The following DOCK5 variants were observed in gnomAD, a reference collection of about 807,000 sequenced individuals.
DOCK5 encodes dedicator of cytokinesis protein 5.
Under a neutral mutation model 251.8 loss-of-function variants are expected in DOCK5, and 142 were observed. The observed-to-expected ratio is 0.56, with a 90% confidence interval of 0.49 to 0.65. DOCK5 has a LOEUF of 0.65. Among genes scored for constraint, DOCK5 ranks in the 30% least tolerant of loss-of-function variants. DOCK5 has a pLI of 0.00. For missense variants in DOCK5, 2,111 were observed against 2,312.3 expected (o/e 0.91, Z 1.79); for synonymous variants, 842 against 835.5 (o/e 1.01, Z -0.13).
At position 25,408,040 on chromosome 8, in the gene DOCK5, T is replaced by A. The variant is rs756959389; in HGVS notation, c.5151T>A (p.Asp1717Glu). 1.4e-5 allele frequency: 22 copies of A among 1,611,856 alleles called. No homozygotes were observed. Among genetic ancestry groups the A allele is most frequent in the Non-Finnish European group, 1.4e-5 (16 of 1,179,098 alleles). ...RRASSGARVE[D>E]LSLREENSEN... ...CCTCGTCAGGTGCCAGAGTTGAAGA[T>A]CTGTCCCTTAGAGAGGAGAACAGCG... Residue 1717 changes from aspartate (D) to glutamate (E), a missense_variant, in exon 49 of 52, where the codon GAT becomes GAA. Asp to Glu is a conservative substitution (Grantham distance 45). Coordinates refer to ENST00000276440, the MANE Select transcript of DOCK5 (RefSeq NM_024940.8).
At position 25,302,459 on chromosome 8, in the gene DOCK5, A is replaced by G; in HGVS notation, c.976+5A>G. On this transcript the variant is annotated splice_donor_5th_base_variant and intron_variant, in intron 10 of 51. Transcript: ENST00000276440. ...GAAGACCTTTTGGAGTGGCAGGTACAAGAGAGACCCAGAGACAAATGTGAA... is the reference window on the plus strand; with the variant it reads ...GAAGACCTTTTGGAGTGGCAGGTACGAGAGAGACCCAGAGACAAATGTGAA... The G allele has an allele frequency of 1.3e-6, 2 of 1,548,118 alleles. No individual in the cohort carries two copies. Among genetic ancestry groups the G allele is most frequent in the Non-Finnish European group, 1.7e-6 (2 of 1,147,440 alleles).
intron 1 of DOCK5, among the ~76,000 whole-genome samples, chr8:25,238,008 C>T (rs1802844894): frequency 6.6e-6 from 1 of 152,178 alleles, no homozygotes; most frequent in Non-Finnish European, 1.5e-5. Flanking sequence ...TTCTCTATAA[C>T]AGTTATTCAT....
chr8:25,302,843 T>C (rs1159932580), intron 10 of DOCK5, among the ~76,000 whole-genome samples: 3 of 152,184 alleles, frequency 2.0e-5, no homozygotes, highest in African/African-American at 4.8e-5. Context: ...ATCCCACCTA[T>C]ATGAGGCACC....
chr8:25,302,897 CAG>C (rs1185401482), intron 10 of DOCK5, among the ~76,000 whole-genome samples: 1 of 152,076 alleles, frequency 6.6e-6, no homozygotes, highest in African/African-American at 2.4e-5. Context: ...TGGTGAGTGT[CAG>C]GGGCTGGAGA....
rs530733277 is a variant in DOCK5 at position 25,391,970 on chromosome 8, A to G, written c.4430A>G (p.Asn1477Ser). 48 of 1,613,724 alleles carry G rather than the reference A, an allele frequency of 3.0e-5. 1 individual carries two copies. In the East Asian group the frequency reaches 8.7e-4, roughly 29 times the overall value. ...CGGAAAGGAGAAAAGGATCCAGACA[A>G]TGAATTTGCTGTGAGTTCACCCCTT... ...PFRKGEKDPD[N>S]EFATMWIERT... is the part of the protein sequence containing the mutation. The change falls in exon 43 of 52, where the codon AAT becomes AGT. Residue 1477 changes from asparagine to serine, a missense_variant. Physicochemically the swap from Asn to Ser is conservative, Grantham distance 46 (BLOSUM62 1). This residue lies in a region of DOCK5 where 1,717 missense variants were observed against 1,892.4 expected (regional missense o/e 0.91). Transcript: ENST00000276440.
chr8:25,375,072 A>ATGTT, intron 37 of DOCK5: 3 of 834,434 alleles, frequency 3.6e-6, no homozygotes, highest in Non-Finnish European at 4.5e-6. Context: ...ATACATCTAT[A>ATGTT]TGTTATGAAT....
chr8:25,408,955 A>G lies in DOCK5; in HGVS notation c.5404+15A>G, dbSNP rs907229501. On this transcript the variant is annotated intron_variant, in intron 50 of 51. Coordinates refer to ENST00000276440, the MANE Select transcript of DOCK5 (RefSeq NM_024940.8). ...CAGGACCCTAAGTAAGTTTTCCTGT[A>G]TTCCTTATAGTCTTTTTACTAGGGA... The G allele has an allele frequency of 3.1e-6, 5 of 1,613,828 alleles. No individual in the cohort carries two copies. In the African/African-American group the frequency reaches 6.7e-5, roughly 22 times the overall value.
chr8:25,288,340 T>A (rs1220968926), intron 5 of DOCK5, among the ~76,000 whole-genome samples: 1 of 152,306 alleles, frequency 6.6e-6, no homozygotes, highest in Admixed American at 6.5e-5. Flanking sequence ...CTCCTTGAAG[T>A]GAATGGGGAA....
intron 37 of DOCK5, chr8:25,376,715 G>A (rs1409191770): frequency 6.6e-6 from 1 of 152,232 alleles, no homozygotes; most frequent in Non-Finnish European, 1.5e-5. Context: ...TCAATGGCGT[G>A]TGAAAGTTTT....
intron 8 of DOCK5, 55 bp from the exon 9 acceptor site, chr8:25,300,521 C>T: frequency 6.7e-7 from 1 of 1,502,216 alleles, no homozygotes; most frequent in South Asian, 1.2e-5. Flanking sequence ...AGGGTAGCCT[C>T]ATCTCCAACC....
intron 5 of DOCK5, among the ~76,000 whole-genome samples, chr8:25,281,303 C>T (rs969666498): frequency 2.6e-5 from 4 of 151,940 alleles, no homozygotes; most frequent in Admixed American, 6.6e-5. Context: ...TGGCTTGTGC[C>T]TGTAATCCCA....
At chr8:25,326,788 C>G (rs1309710263) in intron 18 of DOCK5, among the ~76,000 whole-genome samples, 1 of 152,128 alleles carries the variant, frequency 6.6e-6, no homozygotes, top group Non-Finnish European at 1.5e-5. Flanking sequence ...TGTTGTTTCC[C>G]TATTATTTGT....
chr8:25,301,360 T>C (rs905443461), intron 9 of DOCK5, among the ~76,000 whole-genome samples: 2 of 152,192 alleles, frequency 1.3e-5, no homozygotes, highest in Admixed American at 1.3e-4. Flanking sequence ...AGGGTGGACG[T>C]TATCATTGAT....
intron 24 of DOCK5, 103 bp downstream of exon 24, chr8:25,341,912 G>A (rs1457912877): frequency 2.4e-5 from 22 of 912,036 alleles, no homozygotes; most frequent in Non-Finnish European, 3.3e-5. Flanking sequence ...TTTCTAAGAA[G>A]TATTAACTGA....
At chr8:25,369,489 A>G in intron 33 of DOCK5, 67 bp from the exon 34 acceptor site, 1 of 1,437,574 alleles carries the variant, frequency 7.0e-7, no homozygotes, top group Non-Finnish European at 9.5e-7. Context: ...GGCCAAGTCT[A>G]GAAAGTTGGC....
At chr8:25,318,741 T>TC (rs1030577410) in intron 14 of DOCK5, among the ~76,000 whole-genome samples, 63 of 152,030 alleles carry the variant, frequency 4.1e-4, no homozygotes, top group African/African-American at 1.4e-3. Context: ...TCTGCTGAAC[T>TC]CCACCTCTTC....
intron 2 of DOCK5, among the ~76,000 whole-genome samples, chr8:25,252,136 T>G (rs1469245202): frequency 1.3e-5 from 2 of 152,214 alleles, no homozygotes; most frequent in Admixed American, 6.5e-5. Flanking sequence ...TCTGTCTGAT[T>G]GTCACATTCT....
intron 2 of DOCK5, among the ~76,000 whole-genome samples, chr8:25,265,349 C>A (rs200356555): frequency 6.6e-6 from 1 of 151,922 alleles, no homozygotes; most frequent in Admixed American, 6.5e-5. Context: ...CAGTCTCTTG[C>A]GCTGAACTCT....
chr8:25,388,730 T>G (rs1221985901), intron 40 of DOCK5: 1 of 198,392 alleles, frequency 5.0e-6, no homozygotes, highest in East Asian at 1.1e-4. Context: ...TCCTTAAGAA[T>G]GTCTTGCCAT....
Sources: allele counts gnomAD v4.1 joint callset (sites outside exome capture counted in the v4.1 genomes callset), GRCh38; gene constraint gnomAD v4.1.1; regional missense constraint gnomAD v4.1.1; transcripts MANE v1.5; gene names NCBI Gene and HGNC (gene_info 2026-07-23, HGNC 2026-07-21).